Variants in RGL1 observed in about 807,000 individuals in gnomAD.
RGL1 encodes the protein ral guanine nucleotide dissociation stimulator like 1, also known as ral guanine nucleotide dissociation stimulator-like 1.
RGL1 carries 24 observed loss-of-function variants against 95.2 expected under a neutral mutation model. The observed-to-expected ratio is 0.25, with a 90% confidence interval of 0.18 to 0.35. The LOEUF is 0.35. RGL1 is among the 10% of genes least tolerant of loss of function. The pLI is 1.00. For missense variants in RGL1, 715 were observed against 936.3 expected (o/e 0.76, Z 3.08); for synonymous variants, 329 against 344.9 (o/e 0.95, Z 0.51).
In RGL1 at chr1:183,926,401, C is replaced by A; in HGVS notation, c.*109C>A. 2 of 910,260 alleles carry A rather than the reference C, an allele frequency of 2.2e-6. No homozygotes were observed. The highest frequency in any genetic ancestry group is 3.3e-6 in the Non-Finnish European group (2 of 612,530). 56.4% of individuals were successfully genotyped at this position (910,260 alleles called of 1,614,324 possible). A position where few individuals can be genotyped will look rare whatever the true frequency, so the allele number is the denominator to read the frequency against. On this transcript the variant is annotated 3_prime_UTR_variant, in exon 18 of 18. Transcript: ENST00000360851. ...GTTCGAGGATCATTGGTGAAGTCAG[C>A]AGATATTTATTGAGTTCCTGTGGTG...
intron 1 of RGL1, among the ~76,000 whole-genome samples, chr1:183,737,681 G>T (rs548599841): frequency 6.6e-6 from 1 of 151,924 alleles, no homozygotes; most frequent in African/African-American, 2.4e-5. Flanking sequence ...TGTCTTCCCT[G>T]TTTTAATTTT....
In RGL1 at chr1:183,922,309, C is replaced by G. The variant is rs752940679; in HGVS notation, c.2092C>G (p.Leu698Val). Residue 698 changes from leucine to valine, a missense_variant, in exon 17 of 18, where the codon CTG becomes GTG. Transcript: ENST00000360851. ...CTCAGACCCCGCCGAGGAGTACGAGCTGGTGCAGGTCATCTCGGAGGACAA... is the reference window on the plus strand; with the variant it reads ...CTCAGACCCCGCCGAGGAGTACGAGGTGGTGCAGGTCATCTCGGAGGACAA... ...LDSDPAEEYE[L>V]VQVISEDKEL... 1.3e-5 allele frequency: 21 copies of G among 1,613,860 alleles called. No individual in the cohort carries two copies. The highest frequency in any genetic ancestry group is 1.6e-5 in the Non-Finnish European group (19 of 1,179,946).
chr1:183,828,207 C>G (rs1186004308), intron 2 of RGL1, among the ~76,000 whole-genome samples: 1 of 152,108 alleles, frequency 6.6e-6, no homozygotes, highest in South Asian at 2.1e-4. Flanking sequence ...TTAATTTAGA[C>G]AGTTATAATT....
At chr1:183,878,207 T>A (rs1401704102) in intron 4 of RGL1, among the ~76,000 whole-genome samples, 1 of 152,068 alleles carries the variant, frequency 6.6e-6, no homozygotes, top group Non-Finnish European at 1.5e-5. Context: ...TGTCTATCTT[T>A]TTTTTTGGAG....
At chr1:183,675,405 AT>A (rs1291743886) in intron 1 of RGL1, among the ~76,000 whole-genome samples, 18 of 116,906 alleles carry the variant, frequency 1.5e-4, no homozygotes, top group African/African-American at 4.1e-4. Context: ...ACCAACCTAC[AT>A]TTTTTTTTCT....
At chr1:183,686,566 T>C (rs1352227016) in intron 1 of RGL1, among the ~76,000 whole-genome samples, 1 of 152,228 alleles carries the variant, frequency 6.6e-6, no homozygotes, top group Non-Finnish European at 1.5e-5. Context: ...CACTCTGTAG[T>C]GCTATACAGA....
chr1:183,812,318 T>G (rs1277006923), intron 2 of RGL1, among the ~76,000 whole-genome samples: 1 of 152,224 alleles, frequency 6.6e-6, no homozygotes, highest in Non-Finnish European at 1.5e-5. Flanking sequence ...TGTGGCTATC[T>G]CAAGACGTAG....
At position 183,717,499 on chromosome 1, in the gene RGL1, A is replaced by C. The variant is rs143186383; in HGVS notation, c.-32-24627A>C. ...ATCAATTATGTACCACTCATAATTG[A>C]GAATACAGCTCAGTAAAACATTATT... On this transcript the variant is annotated intron_variant, in intron 1 of 18. Coordinates refer to the RGL1 transcript ENST00000304685. Among the ~76,000 whole-genome samples the C allele has an allele frequency of 2.9e-3, 441 of 152,362 alleles. 5 individuals are homozygous for C. The highest frequency in any genetic ancestry group is 0.01 in the African/African-American group (424 of 41,588).
chr1:183,710,902 C>A (rs1558166284), intron 1 of RGL1, among the ~76,000 whole-genome samples: 1 of 152,182 alleles, frequency 6.6e-6, no homozygotes, highest in Non-Finnish European at 1.5e-5. Context: ...GGGCAAAAAT[C>A]CCTTGCTTAT....
intron 4 of RGL1, among the ~76,000 whole-genome samples, chr1:183,878,426 G>A (rs1246144042): frequency 1.3e-5 from 2 of 151,968 alleles, no homozygotes; most frequent in Non-Finnish European, 2.9e-5. Flanking sequence ...TCGAACTCCT[G>A]GGCTCAAGCA....
chr1:183,882,017 C>A (rs1156365845), intron 5 of RGL1, among the ~76,000 whole-genome samples: 1 of 152,238 alleles, frequency 6.6e-6, no homozygotes, highest in Non-Finnish European at 1.5e-5. Flanking sequence ...AACACAGGGA[C>A]TGCAAGGCAG....
chr1:183,859,319 A>G (rs1665362736), intron 3 of RGL1, among the ~76,000 whole-genome samples: 1 of 152,230 alleles, frequency 6.6e-6, no homozygotes, highest in Non-Finnish European at 1.5e-5. Context: ...GAGAGCCAAC[A>G]TACTTAAATA....
intron 17 of RGL1, 81 bp from the exon 18 acceptor site, chr1:183,926,024 G>A (rs914406568): frequency 8.0e-7 from 1 of 1,243,904 alleles, no homozygotes; most frequent in East Asian, 2.4e-5. Context: ...TCTTGTGTCT[G>A]GGCAAGGTTT....
intron 1 of RGL1, among the ~76,000 whole-genome samples, chr1:183,726,427 T>C (rs934957121): frequency 7.2e-5 from 11 of 152,102 alleles, no homozygotes; most frequent in African/African-American, 1.4e-4. Flanking sequence ...CCAATATAGA[T>C]AATGAAAAAG....
At chr1:183,803,208 A>C (rs796202844), upstream of RGL1, among the ~76,000 whole-genome samples, 5 of 152,352 alleles carry the variant, frequency 3.3e-5, no homozygotes, top group African/African-American at 1.2e-4. Context: ...CAGATTTCCT[A>C]GTGTTGCATA....
rs143748330 is a variant in RGL1, at chr1:183,745,022, A to G, written c.132+2733A>G. Among the ~76,000 whole-genome samples, 39 of 152,246 alleles carry G rather than the reference A, an allele frequency of 2.6e-4. No homozygotes were observed. In the East Asian group the frequency reaches 5.4e-3, roughly 21 times the overall value. On this transcript the variant is annotated intron_variant, in intron 2 of 18. Transcript: ENST00000304685. ...CAGCATATGAAAGTTCAACCATTCT[A>G]TATCCTCACCTGTTATTGGTATTGA...
rs1426532608 is a variant in RGL1 at position 183,888,533 on chromosome 1, T to C, written c.1011T>C (p.Ser337=). 1 of 1,613,446 alleles carries C rather than the reference T, an allele frequency of 6.2e-7. No individual in the cohort carries two copies. Among genetic ancestry groups the C allele is most frequent in the Non-Finnish European group, 8.5e-7 (1 of 1,179,440 alleles). Residue 337 remains serine, a synonymous_variant, in exon 8 of 18, where the codon TCT becomes TCC. Transcript: ENST00000360851. ...GGGCCATCGTTTCGGCACTGCAGTC[T>C]AATTCCATCTATCGGTTAAAAAAGA... ...SLRAIVSALQ[S]NSIYRLKKTW... is the part of the protein sequence containing the mutation.
intron 11 of RGL1, among the ~76,000 whole-genome samples, 179 bp downstream of exon 11, chr1:183,900,415 G>A (rs1431811351): frequency 6.6e-6 from 1 of 152,236 alleles, no homozygotes; most frequent in South Asian, 2.1e-4. Context: ...TCAAAATCCA[G>A]TGGAAGTAAT....
At chr1:183,739,447 G>A (rs1558181548) in intron 1 of RGL1, among the ~76,000 whole-genome samples, 1 of 152,222 alleles carries the variant, frequency 6.6e-6, no homozygotes, top group African/African-American at 2.4e-5. Flanking sequence ...TAGCAGTGTA[G>A]TAAAGTTATT....
Sources: allele counts gnomAD v4.1 joint callset (sites outside exome capture counted in the v4.1 genomes callset), GRCh38; gene constraint gnomAD v4.1.1; transcripts MANE v1.5; gene names NCBI Gene and HGNC (gene_info 2026-07-23, HGNC 2026-07-21).